AGBL1: variants seen among roughly 807,000 people sequenced by gnomAD.
The protein encoded by AGBL1 is AGBL carboxypeptidase 1.
In AGBL1, 130 loss-of-function variants were observed where a neutral mutation model predicts 118.9. The observed-to-expected ratio is 1.09, with a 90% confidence interval of 0.95 to 1.26. The LOEUF (loss-of-function observed/expected upper bound fraction) is 1.26. Ranked by LOEUF, AGBL1 falls within the 50% of genes most tolerant of loss-of-function variation. The pLI is 0.00. For missense variants in AGBL1, 1,584 were observed against 1,298.1 expected, an observed-to-expected ratio of 1.22 and a Z score of -3.38; for synonymous variants, 555 against 478.9, an observed-to-expected ratio of 1.16 and a Z score of -2.08.
intron 18 of AGBL1, among the ~76,000 whole-genome samples, chr15:86,474,516 C>T (rs1379381279): frequency 4.6e-5 from 7 of 152,312 alleles, no homozygotes; most frequent in Non-Finnish European, 5.9e-5. Flanking sequence ...AAGGCGGCAG[C>T]AAGCCTGATG....
chr15:86,365,515 C>T (rs1212832382), intron 17 of AGBL1, among the ~76,000 whole-genome samples: 1 of 152,112 alleles, frequency 6.6e-6, no homozygotes, highest in African/African-American at 2.4e-5. Flanking sequence ...TTGAAATTTA[C>T]CATTTGCTAG....
At chr15:86,251,204 C>T (rs1240009303) in intron 7 of AGBL1, among the ~76,000 whole-genome samples, 1 of 152,150 alleles carries the variant, frequency 6.6e-6, no homozygotes, top group Non-Finnish European at 1.5e-5. Flanking sequence ...AAGTAATTTT[C>T]CCAAGTTCGC....
chr15:86,085,179 T>C (rs886808404), intron 1 of AGBL1, among the ~76,000 whole-genome samples: 1 of 152,158 alleles, frequency 6.6e-6, no homozygotes, highest in Non-Finnish European at 1.5e-5. Flanking sequence ...TTATGGAAGT[T>C]GGGGGAAGAA....
chr15:87,001,433 A>C (rs2081436335), intron 24 of AGBL1, among the ~76,000 whole-genome samples: 1 of 152,020 alleles, frequency 6.6e-6, no homozygotes, highest in African/African-American at 2.4e-5. Flanking sequence ...GTAGTGCCAC[A>C]ATAAATATGT....
intron 22 of AGBL1, among the ~76,000 whole-genome samples, chr15:86,832,452 C>A (rs1337807201): frequency 1.3e-5 from 2 of 152,154 alleles, no homozygotes; most frequent in Non-Finnish European, 2.9e-5. Context: ...TAACAGTACC[C>A]TAGTCACCTC....
At chr15:86,689,631 T>G (rs2086127214) in intron 22 of AGBL1, among the ~76,000 whole-genome samples, 1 of 152,102 alleles carries the variant, frequency 6.6e-6, no homozygotes, top group African/African-American at 2.4e-5. Context: ...TTAATTAACC[T>G]TGATGGGGAT....
At chr15:86,553,655 T>G (rs529029393) in intron 20 of AGBL1, among the ~76,000 whole-genome samples, 1 of 152,274 alleles carries the variant, frequency 6.6e-6, no homozygotes, top group South Asian at 2.1e-4. Context: ...TAAGTAACAG[T>G]GAGGCTGGAT....
intron 22 of AGBL1, among the ~76,000 whole-genome samples, chr15:86,869,633 A>G (rs1434978913): frequency 6.6e-6 from 1 of 152,150 alleles, no homozygotes; most frequent in Non-Finnish European, 1.5e-5. Context: ...GTGTTACCAA[A>G]CTTTGCTTGA....
At chr15:86,458,836 T>C (rs2082294265) in intron 18 of AGBL1, among the ~76,000 whole-genome samples, 1 of 152,078 alleles carries the variant, frequency 6.6e-6, no homozygotes, top group Non-Finnish European at 1.5e-5. Flanking sequence ...ATGAAGAAAA[T>C]TGCAGCTAAG....
intron 18 of AGBL1, among the ~76,000 whole-genome samples, chr15:86,460,308 C>T: frequency 2.6e-5 from 3 of 117,516 alleles, no homozygotes; most frequent in Non-Finnish European, 5.1e-5. Flanking sequence ...ATAGAAAGAC[C>T]CTATCTCTAC....
At chr15:87,003,654 T>A (rs1005228000) in intron 24 of AGBL1, among the ~76,000 whole-genome samples, 9 of 152,052 alleles carry the variant, frequency 5.9e-5, no homozygotes, top group African/African-American at 1.4e-4. Flanking sequence ...TCAATTTCAG[T>A]GCCTGTTATT....
At chr15:86,516,083 T>TAC (rs769511356) in intron 18 of AGBL1, among the ~76,000 whole-genome samples, 18 of 152,190 alleles carry the variant, frequency 1.2e-4, no homozygotes, top group Non-Finnish European at 2.1e-4. Context: ...TTTTACTGAA[T>TAC]ACACAAGTTC....
At chr15:86,136,413 C>T (rs1236081019) in intron 1 of AGBL1, among the ~76,000 whole-genome samples, 1 of 152,124 alleles carries the variant, frequency 6.6e-6, no homozygotes, top group African/African-American at 2.4e-5. Context: ...CTTGGTGGGG[C>T]ACCAATCATG....
intron 22 of AGBL1, among the ~76,000 whole-genome samples, chr15:86,758,066 G>T (rs2077967283): frequency 6.6e-6 from 1 of 151,954 alleles, no homozygotes; most frequent in African/African-American, 2.4e-5. Context: ...TATTTTTTCT[G>T]AGTCCAAGTC....
In AGBL1 at chr15:86,523,057, T is replaced by A. The variant is rs116218897; in HGVS notation, c.2685+118T>A. Reference sequence around the variant, plus strand: ...GACCAAAAACCTATGTATGACAAGATAGAATGGAGGATGCATGGTGCATTG... The same window carrying A: ...GACCAAAAACCTATGTATGACAAGAAAGAATGGAGGATGCATGGTGCATTG... On this transcript the variant is annotated intron_variant, in intron 19 of 22. Coordinates refer to ENST00000614907, the MANE Select transcript of AGBL1 (RefSeq NM_001386094.1). The A allele has an allele frequency of 8.3e-4, 1,029 of 1,240,214 alleles. 9 individuals carry two copies. In the African/African-American group the frequency reaches 0.014, roughly 17 times the overall value. 76.8% of individuals were successfully genotyped at this position (1,240,214 alleles called of 1,614,324 possible).
intron 1 of AGBL1, among the ~76,000 whole-genome samples, chr15:86,096,821 G>A (rs1049305663): frequency 2.0e-5 from 3 of 152,142 alleles, no homozygotes; most frequent in Non-Finnish European, 2.9e-5. Flanking sequence ...CTATGTCCCA[G>A]CTTCCCCTCC....
chr15:86,191,796 A>G (rs1292283723), intron 5 of AGBL1, among the ~76,000 whole-genome samples: 1 of 151,906 alleles, frequency 6.6e-6, no homozygotes, highest in East Asian at 1.9e-4. Context: ...ATAATAACAT[A>G]TGAACACATG....
intron 24 of AGBL1, among the ~76,000 whole-genome samples, chr15:87,009,871 C>T (rs1567285330): frequency 6.6e-6 from 1 of 152,220 alleles, no homozygotes; most frequent in Non-Finnish European, 1.5e-5. Context: ...TTTGAAATGG[C>T]CGTATTTACC....
At chr15:86,713,314 G>A (rs1021284133) in intron 22 of AGBL1, among the ~76,000 whole-genome samples, 1 of 152,098 alleles carries the variant, frequency 6.6e-6, no homozygotes, top group Non-Finnish European at 1.5e-5. Flanking sequence ...AGAGAGCATT[G>A]GAATTAGAAA....
Sources: gnomAD v4.1 joint callset for allele counts (sites outside exome capture counted in the v4.1 genomes callset) on GRCh38, gnomAD v4.1.1 for gene constraint, MANE v1.5 for transcripts, NCBI Gene and HGNC (gene_info 2026-07-23, HGNC 2026-07-21) for gene names.